RLF: variants seen among roughly 807,000 people sequenced by gnomAD.
RLF encodes zinc finger protein Rlf.
Under a neutral mutation model 162.9 loss-of-function variants are expected in RLF, and 7 were observed. That is an observed-to-expected ratio of 0.04 (90% CI 0.02 to 0.08). The LOEUF (loss-of-function observed/expected upper bound fraction) is 0.08. Among genes scored for constraint, RLF ranks in the 10% least tolerant of loss-of-function variants. RLF has a pLI of 1.00. For synonymous variants in RLF, 782 were observed against 791.5 expected, an observed-to-expected ratio of 0.99 and a Z score of 0.20; for missense variants, 1,664 against 2,244.7, an observed-to-expected ratio of 0.74 and a Z score of 5.23.
At chr1:40,182,253 G>GA (rs1360724379) in intron 1 of RLF, among the ~76,000 whole-genome samples, 2 of 152,056 alleles carry the variant, frequency 1.3e-5, no homozygotes, top group Non-Finnish European at 2.9e-5. Flanking sequence ...CCAACATGGT[G>GA]AAACCCCCGT....
chr1:40,228,515 G>A (rs547593362), intron 6 of RLF, among the ~76,000 whole-genome samples: 3 of 150,102 alleles, frequency 2.0e-5, no homozygotes, highest in African/African-American at 2.4e-5. Flanking sequence ...CCCGGGAGGC[G>A]GAGGTTGCAG....
At position 40,185,096 on chromosome 1, in the gene RLF, G is replaced by T. The variant is rs565577552; in HGVS notation, c.238-3959G>T. 2.0e-5 allele frequency among the ~76,000 whole-genome samples: 3 copies of T among 152,042 alleles called. No homozygotes were observed. The South Asian group carries it at 6.2e-4, about 32-fold the overall frequency. Reference sequence around the variant, plus strand: ...ACAAAAAAAAAGTTTTTTTTAATTGGCTGGGCATGGTGATGCACTTCTCCA... The same window carrying T: ...ACAAAAAAAAAGTTTTTTTTAATTGTCTGGGCATGGTGATGCACTTCTCCA... On this transcript the variant is annotated intron_variant, in intron 1 of 7. Coordinates refer to ENST00000372771, the MANE Select transcript of RLF (RefSeq NM_012421.4).
chr1:40,238,925 C>T lies in RLF; in HGVS notation c.4223C>T (p.Ser1408Phe). Residue 1408 changes from serine (S) to phenylalanine (F), a missense_variant, in exon 8 of 8, where the codon TCT (serine) becomes TTT (phenylalanine). By Grantham distance (155) the Ser-to-Phe change is radical. Around this residue, in one of 15 missense-constraint regions of RLF, gnomAD observed 200 missense variants for 207.3 expected, o/e 0.96. Transcript: ENST00000372771. This position sits in a 1 kb window ranked among gnomAD's most constrained non-coding sequence, Gnocchi z 5.2. Reference sequence around the variant, plus strand: ...GAAGCTGGATCTGCAGCAAGGTTTTCTTGTAACCAGCCTCAGTGCCCTGCT... The same window carrying T: ...GAAGCTGGATCTGCAGCAAGGTTTTTTTGTAACCAGCCTCAGTGCCCTGCT... ...LSEAGSAARF[S>F]CNQPQCPAVF... 6.2e-7 allele frequency: 1 copy of T among 1,614,206 alleles called. No individual in the cohort carries two copies. Among genetic ancestry groups the T allele is most frequent in the South Asian group, 1.1e-5 (1 of 91,074 alleles).
At chr1:40,232,731 G>A (rs1365697926) in intron 7 of RLF, among the ~76,000 whole-genome samples, 3 of 152,122 alleles carry the variant, frequency 2.0e-5, no homozygotes, top group African/African-American at 7.2e-5. Context: ...GTTGAGACAG[G>A]TCTCGCTCTG....
At chr1:40,191,537 C>CG (rs201296797) in intron 3 of RLF, among the ~76,000 whole-genome samples, 15 of 145,586 alleles carry the variant, frequency 1.0e-4, no homozygotes, top group Non-Finnish European at 1.0e-4. Context: ...GACTCTGTCT[C>CG]GGAAAAAAAA....
chr1:40,228,304 C>G (rs888060882), intron 6 of RLF, among the ~76,000 whole-genome samples: 1 of 146,674 alleles, frequency 6.8e-6, no homozygotes, highest in African/African-American at 2.5e-5. Context: ...AAAAGCCAGG[C>G]GTGGTGGCTC....
intron 4 of RLF, among the ~76,000 whole-genome samples, chr1:40,201,186 C>G (rs1182215462): frequency 1.3e-5 from 2 of 149,866 alleles, no homozygotes; most frequent in Non-Finnish European, 3.0e-5. Context: ...TAGGCACTTT[C>G]AAGTCTGAGA....
rs1363517314 is a variant in RLF, at chr1:40,189,293, CATTT to C, written c.392+88_392+91del. On this transcript the variant is annotated intron_variant, in intron 2 of 7. Coordinates refer to ENST00000372771, the MANE Select transcript of RLF (RefSeq NM_012421.4). ...CTGGTTTCTCTTTACAGTGGCATCA[CATTT>C]ATTCTTCAGAGCACCATTAGAGTCA... is the stretch of plus-strand genomic sequence containing the variant. The C allele has an allele frequency of 5.3e-6, 6 of 1,126,910 alleles. No homozygotes were observed. The African/African-American group carries it at 7.7e-5, about 15-fold the overall frequency. The allele number at this position is 1,126,910 out of a possible 1,614,324, so 69.8% of individuals were successfully genotyped here.
intron 5 of RLF, among the ~76,000 whole-genome samples, chr1:40,208,239 G>A (rs1642822309): frequency 6.6e-6 from 1 of 152,174 alleles, no homozygotes; most frequent in African/African-American, 2.4e-5. Context: ...GATACGGGAT[G>A]CAGAGATGAA....
chr1:40,214,918 CAAAAAAAAAAAA>C (rs34756935), intron 5 of RLF, among the ~76,000 whole-genome samples: 4 of 14,396 alleles, frequency 2.8e-4, no homozygotes, highest in East Asian at 2.8e-3. Flanking sequence ...GAGCCTGTCT[CAAAAAAAAAAAA>C]AAAAAAAAAA....
Position 40,237,003 on chromosome 1 carries a change from C to T in RLF, c.2301C>T (p.Asp767=), listed in dbSNP as rs540835650. 33 of 1,614,080 alleles carry T rather than the reference C, an allele frequency of 2.0e-5. No homozygotes were observed. In the South Asian group the frequency reaches 2.6e-4, roughly 13 times the overall value. ...TACTTAACCATAAACAAAAGCATGA[C>T]GATCTGCGTTACAAATGTGAATTAA... is the stretch of plus-strand genomic sequence containing the variant. ...NELLNHKQKH[D]DLRYKCELNG... Residue 767 remains aspartate (D), a synonymous_variant, in exon 8 of 8, where the codon GAC becomes GAT. Coordinates refer to ENST00000372771, the MANE Select transcript of RLF (RefSeq NM_012421.4). The surrounding 1 kb of genome is among the most constrained non-coding windows in gnomAD (Gnocchi z 4.4).
At position 40,221,899 on chromosome 1, in the gene RLF, C is replaced by CAAAAA. The variant is rs895455745; in HGVS notation, c.811-660_811-656dup. On this transcript the variant is annotated intron_variant, in intron 5 of 7. Coordinates refer to ENST00000372771, the MANE Select transcript of RLF (RefSeq NM_012421.4). The stretch of plus-strand genomic sequence containing the variant: ...TGGGCGACACAGCGAGACTCCGTCT[C>CAAAAA]AAAAAAAAAAAAAAAAAAAGAGAAA... Among the ~76,000 whole-genome samples the CAAAAA allele has an allele frequency of 2.8e-4, 18 of 65,034 alleles. 2 individuals carry two copies. Among genetic ancestry groups the CAAAAA allele is most frequent in the African/African-American group, 7.8e-4 (13 of 16,760 alleles). 42.7% of individuals were successfully genotyped at this position (65,034 alleles called of 152,430 possible).
At chr1:40,228,749 T>C (rs1643113736) in intron 6 of RLF, among the ~76,000 whole-genome samples, 2 of 152,112 alleles carry the variant, frequency 1.3e-5, no homozygotes, top group Admixed American at 6.6e-5. Context: ...GCCTTCCAAG[T>C]ATCTGGGATT....
intron 5 of RLF, among the ~76,000 whole-genome samples, chr1:40,209,865 G>A (rs567057156): frequency 1.1e-4 from 16 of 148,550 alleles, no homozygotes; most frequent in African/African-American, 2.8e-4. Context: ...GCGACAGGGC[G>A]AGACTCCGTC....
intron 5 of RLF, among the ~76,000 whole-genome samples, chr1:40,220,150 C>A (rs1642973538): frequency 6.6e-6 from 1 of 152,072 alleles, no homozygotes; most frequent in African/African-American, 2.4e-5. Context: ...ATCACTTGAA[C>A]CTGAGAGGCA....
intron 4 of RLF, among the ~76,000 whole-genome samples, chr1:40,197,342 C>T (rs1557747223): frequency 6.6e-6 from 1 of 152,180 alleles, no homozygotes; most frequent in East Asian, 1.9e-4. Flanking sequence ...TAGATGGAGG[C>T]TAAAGTATCA....
At chr1:40,202,282 A>T in intron 4 of RLF, 130 bp from the exon 5 acceptor site, 1 of 618,490 alleles carries the variant, frequency 1.6e-6, no homozygotes, top group South Asian at 2.1e-5. Flanking sequence ...ACCAGAGTAA[A>T]CTTCTCATTT....
At chr1:40,163,871 T>G (rs2124521286) in intron 1 of RLF, among the ~76,000 whole-genome samples, 1 of 152,320 alleles carries the variant, frequency 6.6e-6, no homozygotes, top group South Asian at 2.1e-4. Context: ...TTTATCATAT[T>G]TTTGACACAT....
chr1:40,185,824 C>G (rs1417092227), intron 1 of RLF, among the ~76,000 whole-genome samples: 1 of 58,400 alleles, frequency 1.7e-5, no homozygotes, highest in Non-Finnish European at 2.9e-5. Context: ...GTGAGACTGT[C>G]TCAAAAAAAA....
Sources: gnomAD v4.1 joint callset for allele counts (sites outside exome capture counted in the v4.1 genomes callset) on GRCh38, gnomAD v4.1.1 for gene constraint, gnomAD v4.1.1 regional missense constraint, Gnocchi (gnomAD v3.1) non-coding constraint, MANE v1.5 for transcripts, NCBI Gene and HGNC (gene_info 2026-07-23, HGNC 2026-07-21) for gene names.